The following GAB1 variants were observed in gnomAD, a reference collection of about 807,000 sequenced individuals.
GAB1 encodes GRB2-associated-binding protein 1.
Under a neutral mutation model 66.5 loss-of-function variants are expected in GAB1, and 19 were observed. The observed-to-expected ratio is 0.29, with a 90% CI of 0.20 to 0.42. GAB1 has a LOEUF of 0.42. Among genes scored for constraint, GAB1 ranks in the 10% least tolerant of loss-of-function variants. GAB1 has a pLI of 1.00. For synonymous variants in GAB1, 294 were observed against 301.4 expected (o/e 0.98, Z 0.25); for missense variants, 732 against 858.5 (o/e 0.85, Z 1.84).
chr4:143,408,236 A>G (rs910710767), intron 1 of GAB1, among the ~76,000 whole-genome samples: 12 of 152,188 alleles, frequency 7.9e-5, no homozygotes, highest in African/African-American at 2.9e-4. Flanking sequence ...ATACACATAA[A>G]CTTTTTGTTT....
At position 143,440,164 on chromosome 4, in the gene GAB1, C is replaced by G; in HGVS notation, c.1367C>G (p.Pro456Arg). Residue 456 changes from proline (P) to arginine (R), a missense_variant, in exon 6 of 10, where the codon CCA becomes CGA. Pro to Arg is a moderately radical substitution (Grantham distance 103). Around this residue, in one of 4 missense-constraint regions of GAB1, gnomAD observed 427 missense variants for 420.6 expected, o/e 1.02. Transcript: ENST00000262994. ...GTCCCAATGAATCCCAATTCACCAC[C>G]ACGACAACATTCCAGCAGTTTTACA... ...NYVPMNPNSP[P>R]RQHSSSFTEP... is the part of the protein sequence containing the mutation. 2 of 1,614,124 alleles carry G rather than the reference C, an allele frequency of 1.2e-6. No individual in the cohort carries two copies. The highest frequency in any genetic ancestry group is 1.7e-6 in the Non-Finnish European group (2 of 1,179,982).
chr4:143,383,665 C>T (rs1180804093), intron 1 of GAB1, among the ~76,000 whole-genome samples: 1 of 152,068 alleles, frequency 6.6e-6, no homozygotes, highest in African/African-American at 2.4e-5. Flanking sequence ...GCTTTTTTAA[C>T]ATAACAATAT....
chr4:143,345,659 G>T (rs908816930), intron 1 of GAB1, among the ~76,000 whole-genome samples: 1 of 152,206 alleles, frequency 6.6e-6, no homozygotes, highest in Non-Finnish European at 1.5e-5. Flanking sequence ...AGAGAAAAGT[G>T]AGAGGAGGCC....
At chr4:143,402,059 G>GT (rs3840284) in intron 1 of GAB1, among the ~76,000 whole-genome samples, 176 of 149,322 alleles carry the variant, frequency 1.2e-3, no homozygotes, top group African/African-American at 3.1e-3. Flanking sequence ...TGTTTGCAGG[G>GT]TTTTTTTTTT....
chr4:143,362,328 C>T (rs1457549520), intron 1 of GAB1, among the ~76,000 whole-genome samples: 3 of 152,098 alleles, frequency 2.0e-5, no homozygotes. Flanking sequence ...AGCCAGACCC[C>T]AAGAGACGGG....
At chr4:143,390,471 A>C (rs1011481702) in intron 1 of GAB1, among the ~76,000 whole-genome samples, 2 of 150,658 alleles carry the variant, frequency 1.3e-5, no homozygotes, top group Admixed American at 1.3e-4. Flanking sequence ...TTGACTTTGC[A>C]TCATAGAGAC....
Position 143,433,608 on chromosome 4 carries a change from A to G in GAB1, c.485A>G (p.Tyr162Cys). Residue 162 changes from tyrosine (Y) to cysteine (C), a missense_variant, in exon 3 of 10, where the codon TAT (tyrosine) becomes TGT (cysteine). Coordinates refer to ENST00000262994, the MANE Select transcript of GAB1 (RefSeq NM_002039.4). ...TCCTCTGCTACTCTACCTCCTCCAT[A>G]TCAGCTAATCAATGTTCCACCACAC... ...DSSSATLPPPYQLINVPPHLE... is the reference protein window; with the variant it reads ...DSSSATLPPPCQLINVPPHLE... 6.2e-7 allele frequency: 1 copy of G among 1,613,818 alleles called. No homozygotes were observed. Among genetic ancestry groups the G allele is most frequent in the Middle Eastern group, 1.6e-4 (1 of 6,062 alleles).
At chr4:143,440,452 A>G in intron 6 of GAB1, 70 bp downstream of exon 6, 1 of 1,384,066 alleles carries the variant, frequency 7.2e-7, no homozygotes, top group Non-Finnish European at 9.7e-7. Flanking sequence ...CTGCCATTAA[A>G]TCCAAAATAG....
intron 2 of GAB1, chr4:143,417,381 C>A: frequency 2.4e-6 from 1 of 409,770 alleles, no homozygotes. Context: ...AAGTGGAATT[C>A]TACCTCGGGT....
chr4:143,444,677 C>T (rs997124496), intron 6 of GAB1, among the ~76,000 whole-genome samples: 3 of 151,840 alleles, frequency 2.0e-5, no homozygotes, highest in Non-Finnish European at 4.4e-5. Flanking sequence ...GTATATTGTG[C>T]GATGCTGAGA....
Position 143,385,790 on chromosome 4 carries a change from C to T in GAB1, c.73-29687C>T, listed in dbSNP as rs145924692. On this transcript the variant is annotated intron_variant, in intron 1 of 9. Transcript: ENST00000262994. Reference sequence around the variant, plus strand: ...TAGAACAAGATCAGCAAACAGTGGTCTGAGTGCCAAGTCAGCCAGCCAGAA... The same window carrying T: ...TAGAACAAGATCAGCAAACAGTGGTTTGAGTGCCAAGTCAGCCAGCCAGAA... Among the ~76,000 whole-genome samples the T allele has an allele frequency of 3.9e-5, 6 of 152,272 alleles. No individual in the cohort carries two copies. In the East Asian group the frequency reaches 9.7e-4, roughly 24 times the overall value.
intron 6 of GAB1, among the ~76,000 whole-genome samples, chr4:143,446,213 T>G (rs1311440220): frequency 1.3e-5 from 2 of 152,150 alleles, no homozygotes; most frequent in African/African-American, 4.8e-5. Context: ...TTTAGGTTGG[T>G]TCCAAGTCTT....
intron 1 of GAB1, chr4:143,396,026 G>T: frequency 2.2e-6 from 1 of 455,362 alleles, no homozygotes; most frequent in Non-Finnish European, 4.4e-6. Context: ...CCAGGAAAGG[G>T]GAGGGGGTGG....
At chr4:143,367,164 A>G (rs760740866) in intron 1 of GAB1, among the ~76,000 whole-genome samples, 6 of 152,182 alleles carry the variant, frequency 3.9e-5, no homozygotes, top group Non-Finnish European at 8.8e-5. Flanking sequence ...GTAAATTGGT[A>G]GTTATTATTT....
At position 143,425,630 on chromosome 4, in the gene GAB1, G is replaced by C. The variant is rs1733310816; in HGVS notation, c.368-7861G>C. 1.7e-5 allele frequency: 13 copies of C among 761,500 alleles called. No homozygotes were observed. In the South Asian group the frequency reaches 1.7e-4, roughly 10 times the overall value. 47.2% of individuals were successfully genotyped at this position (761,500 alleles called of 1,614,324 possible). On this transcript the variant is annotated intron_variant, in intron 2 of 9. Coordinates refer to ENST00000262994, the MANE Select transcript of GAB1 (RefSeq NM_002039.4). ...CCATTTCCCGTGAACATCCATGGGA[G>C]GTCATGCCTGAACTCTACTTCTACA... is the stretch of plus-strand genomic sequence containing the variant.
At chr4:143,408,239 T>G (rs1732170659) in intron 1 of GAB1, among the ~76,000 whole-genome samples, 1 of 152,184 alleles carries the variant, frequency 6.6e-6, no homozygotes, top group Admixed American at 6.5e-5. Context: ...CACATAAACT[T>G]TTTGTTTTGT....
chr4:143,390,221 A>G (rs749467919), intron 1 of GAB1, among the ~76,000 whole-genome samples: 3 of 152,086 alleles, frequency 2.0e-5, no homozygotes, highest in Non-Finnish European at 2.9e-5. Flanking sequence ...ATTTCTTTCA[A>G]AGTTTTGGAG....
intron 2 of GAB1, chr4:143,424,962 G>GA (rs35264549): frequency 0.35 from 204,102 of 584,158 alleles, 36,454 homozygotes; most frequent in African/African-American, 0.71. Flanking sequence ...TTTAAAAAAA[G>GA]AAAAAAAAAG....
intron 6 of GAB1, among the ~76,000 whole-genome samples, chr4:143,445,306 T>C (rs1218256371): frequency 6.6e-6 from 1 of 152,216 alleles, no homozygotes. Context: ...TGAGATGATA[T>C]CTCATTGTAG....
Sources: allele counts gnomAD v4.1 joint callset (sites outside exome capture counted in the v4.1 genomes callset), GRCh38; gene constraint gnomAD v4.1.1; regional missense constraint gnomAD v4.1.1; transcripts MANE v1.5; gene names NCBI Gene and HGNC (gene_info 2026-07-23, HGNC 2026-07-21).